ZNF532: variants seen among roughly 807,000 people sequenced by gnomAD.
ZNF532 encodes zinc finger protein 532.
ZNF532 carries 22 observed loss-of-function variants against 89.3 expected under a neutral mutation model. That is an observed-to-expected ratio of 0.25 (90% CI 0.18 to 0.35). The LOEUF is 0.35. Among genes scored for constraint, ZNF532 ranks in the 10% least tolerant of loss-of-function variants. The probability of loss-of-function intolerance (pLI) is 1.00; values close to 1 mark genes in which losing one functional copy is unlikely to be tolerated. For synonymous variants in ZNF532, 606 were observed against 649.6 expected (o/e 0.93, Z 1.02); for missense variants, 1,132 against 1,643.4 (o/e 0.69, Z 5.38).
chr18:58,964,667 A>C (rs947908232), intron 7 of ZNF532, among the ~76,000 whole-genome samples: 2 of 150,258 alleles, frequency 1.3e-5, no homozygotes, highest in African/African-American at 4.9e-5. Context: ...GCTCAGTGCT[A>C]CCTCACACTC....
chr18:58,948,708 C>T (rs1043623219), intron 6 of ZNF532, among the ~76,000 whole-genome samples: 1 of 151,926 alleles, frequency 6.6e-6, no homozygotes. Flanking sequence ...GCTGGGATTA[C>T]AGGCGTGTAC....
At chr18:58,939,778 C>A in intron 5 of ZNF532, 157 bp downstream of exon 5, 1 of 565,376 alleles carries the variant, frequency 1.8e-6, no homozygotes. Flanking sequence ...ATAGCTCATC[C>A]AAATCTTTCT....
intron 3 of ZNF532, 63 bp downstream of exon 3, chr18:58,920,696 G>A (rs2060971169): frequency 7.1e-7 from 1 of 1,409,568 alleles, no homozygotes; most frequent in Non-Finnish European, 9.6e-7. Context: ...TGCTTGATAA[G>A]ATGCCCTTGA....
intron 2 of ZNF532, among the ~76,000 whole-genome samples, chr18:58,897,042 CTCTT>C (rs774809612): frequency 6.6e-6 from 1 of 152,104 alleles, no homozygotes; most frequent in East Asian, 1.9e-4. Context: ...TTTTTCTCTT[CTCTT>C]TCTGTTTTTT....
At chr18:58,877,280 C>T (rs768028955) in intron 2 of ZNF532, among the ~76,000 whole-genome samples, 7 of 152,168 alleles carry the variant, frequency 4.6e-5, no homozygotes, top group South Asian at 2.1e-4. Context: ...CTCTCCAGCA[C>T]GTGATGGAGA....
At chr18:58,876,340 A>G (rs567297254) in intron 2 of ZNF532, among the ~76,000 whole-genome samples, 146 of 152,256 alleles carry the variant, frequency 9.6e-4, no homozygotes, top group African/African-American at 3.4e-3. Flanking sequence ...CTGCTGGTTC[A>G]TGGCCTGTCA....
At chr18:58,967,750 A>G (rs1366163025) in intron 7 of ZNF532, among the ~76,000 whole-genome samples, 1 of 152,174 alleles carries the variant, frequency 6.6e-6, no homozygotes, top group African/African-American at 2.4e-5. Context: ...TTCAGACCTC[A>G]GTTTGGCTGA....
intron 3 of ZNF532, among the ~76,000 whole-genome samples, chr18:58,931,286 A>C (rs922341318): frequency 4.6e-5 from 7 of 152,170 alleles, no homozygotes; most frequent in Admixed American, 1.3e-4. Flanking sequence ...TTAGAATTTT[A>C]AGATATATTT....
chr18:58,979,171 A>G lies in ZNF532; in HGVS notation c.3263+4A>G. 6.2e-7 allele frequency: 1 copy of G among 1,606,676 alleles called. No homozygotes were observed. Among genetic ancestry groups the G allele is most frequent in the Non-Finnish European group, 8.5e-7 (1 of 1,173,958 alleles). ...TCAGGAAAGTGTACGCCTGCTCGTAAGTCCTGGTTTCTAACGGAACGCAGT... is the reference window on the plus strand; with the variant it reads ...TCAGGAAAGTGTACGCCTGCTCGTAGGTCCTGGTTTCTAACGGAACGCAGT... On this transcript the variant is annotated splice_donor_region_variant and intron_variant, in intron 8 of 9. Coordinates refer to ENST00000591808, the MANE Select transcript of ZNF532 (RefSeq NM_001375912.1).
intron 6 of ZNF532, among the ~76,000 whole-genome samples, chr18:58,949,794 TTAAACATGTGTGAGTTCATA>T: frequency 6.6e-6 from 1 of 152,232 alleles, no homozygotes; most frequent in East Asian, 1.9e-4. Flanking sequence ...ATTTCCTGTA[TTAAACATGTGTGAGTTCATA>T]TAGAGTAATT....
At chr18:58,944,289 G>T (rs984002978) in intron 5 of ZNF532, among the ~76,000 whole-genome samples, 3 of 152,162 alleles carry the variant, frequency 2.0e-5, no homozygotes, top group Non-Finnish European at 2.9e-5. Context: ...TTTGACCTGA[G>T]TATGGGTATT....
At chr18:58,941,822 T>TG (rs1334260798) in intron 5 of ZNF532, among the ~76,000 whole-genome samples, 1 of 151,802 alleles carries the variant, frequency 6.6e-6, no homozygotes, top group Non-Finnish European at 1.5e-5. Context: ...TTCTTTTCTT[T>TG]TTTCTTTTCT....
In ZNF532 at chr18:58,911,586, G is replaced by A. The variant is rs561395055; in HGVS notation, c.-17-6685G>A. 1.2e-3 allele frequency among the ~76,000 whole-genome samples: 186 copies of A among 152,238 alleles called. 1 individual carries two copies. The highest frequency in any genetic ancestry group is 4.7e-3 in the Admixed American group (72 of 15,292). On this transcript the variant is annotated intron_variant, in intron 2 of 9. Transcript: ENST00000591808. ...CAAATAAGAATTAGCTGAGTGTGGC[G>A]GTGCTTGTAAGGATCACTTGAGCCC...
At chr18:58,865,829 G>A (rs998198070) in intron 2 of ZNF532, among the ~76,000 whole-genome samples, 10 of 152,208 alleles carry the variant, frequency 6.6e-5, no homozygotes, top group Admixed American at 5.9e-4. Context: ...GGAAGGAAGC[G>A]AGTGTGGAGA....
intron 2 of ZNF532, among the ~76,000 whole-genome samples, chr18:58,873,954 C>T (rs1382329700): frequency 6.6e-6 from 1 of 152,130 alleles, no homozygotes; most frequent in African/African-American, 2.4e-5. Flanking sequence ...CTAAACCATA[C>T]GTTTCCTGAG....
intron 2 of ZNF532, among the ~76,000 whole-genome samples, chr18:58,913,249 A>C (rs942203685): frequency 6.6e-6 from 1 of 152,234 alleles, no homozygotes; most frequent in Non-Finnish European, 1.5e-5. Context: ...GGGAAGAGCA[A>C]GAATTTGAAT....
At chr18:58,869,606 T>A (rs1381401364) in intron 2 of ZNF532, among the ~76,000 whole-genome samples, 1 of 152,222 alleles carries the variant, frequency 6.6e-6, no homozygotes, top group African/African-American at 2.4e-5. Context: ...ATTTGATTTA[T>A]GGACTGCCAA....
intron 7 of ZNF532, among the ~76,000 whole-genome samples, chr18:58,975,864 TTAAC>T (rs2066991248): frequency 6.6e-6 from 1 of 152,206 alleles, no homozygotes; most frequent in African/African-American, 2.4e-5. Context: ...CTGATCTTAG[TTAAC>T]TATTAAAAAG....
rs377336588 is a variant in ZNF532, at chr18:58,952,504, A to C, written c.2869-1014A>C. The stretch of plus-strand genomic sequence containing the variant: ...ACTGTAACCTTGAACTCCTGGGCTC[A>C]AGCAATCTTCTTACCTCAGCCTTCT... On this transcript the variant is annotated intron_variant, in intron 6 of 9. Coordinates refer to ENST00000591808, the MANE Select transcript of ZNF532 (RefSeq NM_001375912.1). Among the ~76,000 whole-genome samples the C allele has an allele frequency of 4.8e-4, 73 of 152,254 alleles. 2 individuals carry two copies. In the South Asian group the frequency reaches 0.015, roughly 31 times the overall value.
Sources: gnomAD v4.1 joint callset for allele counts (sites outside exome capture counted in the v4.1 genomes callset) on GRCh38, gnomAD v4.1.1 for gene constraint, MANE v1.5 for transcripts, NCBI Gene and HGNC (gene_info 2026-07-23, HGNC 2026-07-21) for gene names.